The following FRYL variants were observed in gnomAD, a reference collection of about 807,000 sequenced individuals.
FRYL encodes FRY like transcription coactivator, also known as protein furry homolog-like.
Under a neutral mutation model 351.2 loss-of-function variants are expected in FRYL, and 150 were observed. The ratio of observed to expected loss-of-function variants is 0.43; its 90% CI spans 0.37 to 0.49. The LOEUF is 0.49. Ranked by LOEUF, FRYL falls within the 20% of genes least tolerant of loss-of-function variation. FRYL has a pLI of 0.00. For synonymous variants in FRYL, 1,153 were observed against 1,257.1 expected (o/e 0.92, Z 1.75); for missense variants, 3,036 against 3,619.3 (o/e 0.84, Z 4.13).
At chr4:48,722,140 TA>T (rs749747014) in intron 1 of FRYL, among the ~76,000 whole-genome samples, 1 of 152,230 alleles carries the variant, frequency 6.6e-6, no homozygotes, top group Non-Finnish European at 1.5e-5. Flanking sequence ...AATCAAACTT[TA>T]CCCGAGGAAT....
chr4:48,576,348 C>T (rs1401664983), intron 23 of FRYL, 126 bp from the exon 24 acceptor site: 3 of 689,740 alleles, frequency 4.3e-6, no homozygotes, highest in South Asian at 4.5e-5. Context: ...GTCACCCAGG[C>T]CGGAGTGCAA....
intron 1 of FRYL, among the ~76,000 whole-genome samples, chr4:48,716,815 A>G (rs1286826330): frequency 6.6e-6 from 1 of 151,484 alleles, no homozygotes. Context: ...ATGAAGACAC[A>G]TGCACATGTA....
At chr4:48,689,970 C>G (rs1285847455) in intron 2 of FRYL, among the ~76,000 whole-genome samples, 1 of 148,358 alleles carries the variant, frequency 6.7e-6, no homozygotes, top group East Asian at 2.0e-4. Flanking sequence ...AATCTCGGCT[C>G]ACTGCAAGCT....
Position 48,505,859 on chromosome 4 carries a change from G to A in FRYL, c.8395-244C>T, listed in dbSNP as rs567911482. On this transcript the variant is annotated intron_variant, in intron 59 of 63. Transcript: ENST00000358350. ...TACTAACAAAACCCATTCCATTCTA[G>A]GGACCTGTGATGTTCCATTTCAGTA... is the stretch of plus-strand genomic sequence containing the variant. The A allele has an allele frequency of 4.7e-4, 195 of 411,398 alleles. 1 individual carries two copies. In the South Asian group the frequency reaches 9.9e-3, roughly 21 times the overall value. The allele number at this position is 411,398 out of a possible 1,614,324, so 25.5% of individuals were successfully genotyped here.
intron 1 of FRYL, among the ~76,000 whole-genome samples, chr4:48,740,289 ATTTTTTT>A (rs71191255): frequency 1.0e-5 from 1 of 97,884 alleles, no homozygotes; most frequent in African/African-American, 4.2e-5. Context: ...AAACAATCTG[ATTTTTTT>A]TTTTTTTTTT....
In FRYL at chr4:48,531,288, G is replaced by A. The variant is rs763943863; in HGVS notation, c.6771C>T (p.Val2257=). ...KLVVSRSASL[V]VPSDIPKTYG... is the part of the protein sequence containing the mutation. ...AGGTCTTGGGGATATCACTGGGTAC[G>A]ACAAGACTCGCAGAGCGTGACACCA... Residue 2257 remains valine, a synonymous_variant, in exon 50 of 64, where the codon GTC becomes GTT. Transcript: ENST00000358350. 27 of 1,613,298 alleles carry A rather than the reference G, an allele frequency of 1.7e-5. 1 individual carries two copies. Among genetic ancestry groups the A allele is most frequent in the Middle Eastern group, 1.6e-4 (1 of 6,078 alleles).
chr4:48,582,474 G>A (rs371299933), intron 20 of FRYL, 23 bp downstream of exon 20: 3 of 1,465,682 alleles, frequency 2.0e-6, no homozygotes, highest in Non-Finnish European at 2.9e-6. Context: ...CATACAAAAG[G>A]ACAATAGAAA....
chr4:48,728,219 CTGAT>C (rs1460062420), intron 1 of FRYL, among the ~76,000 whole-genome samples: 1 of 152,118 alleles, frequency 6.6e-6, no homozygotes, highest in Non-Finnish European at 1.5e-5. Flanking sequence ...GAAAACAACT[CTGAT>C]TAACATGCTA....
rs1331805179 is a variant in FRYL at position 48,694,880 on chromosome 4, T to C, written c.-203-10085A>G. Among the ~76,000 whole-genome samples the C allele has an allele frequency of 2.0e-5, 3 of 152,068 alleles. No homozygotes were observed. The South Asian group carries it at 6.2e-4, about 32-fold the overall frequency. On this transcript the variant is annotated intron_variant, in intron 2 of 63. Transcript: ENST00000358350. ...TGAGCTCAGGAATCTGAGACCAGCC[T>C]GGGCAACATAGTGAAACCTCATCTC...
At chr4:48,547,853 A>G (rs1731703160) in intron 40 of FRYL, 84 bp from the exon 41 acceptor site, 1 of 923,298 alleles carries the variant, frequency 1.1e-6, no homozygotes, top group African/African-American at 1.7e-5. Flanking sequence ...GAAGAAAAGG[A>G]GAAATTATAT....
At chr4:48,563,234 T>C (rs769212112) in intron 31 of FRYL, among the ~76,000 whole-genome samples, 1 of 151,234 alleles carries the variant, frequency 6.6e-6, no homozygotes, top group Non-Finnish European at 1.5e-5. Context: ...ATCAGAAGAA[T>C]TGTCTTGTGT....
At position 48,524,716 on chromosome 4, in the gene FRYL, T is replaced by C. The variant is rs566200051; in HGVS notation, c.7318-1612A>G. ...ACTACAAATGAACATCCTTAGTCCA[T>C]TCTAAGGTTCTATTAAAAGCCATGT... On this transcript the variant is annotated intron_variant, in intron 53 of 63. Coordinates refer to ENST00000358350, the MANE Select transcript of FRYL (RefSeq NM_015030.2). Among the ~76,000 whole-genome samples, 18 of 152,298 alleles carry C rather than the reference T, an allele frequency of 1.2e-4. No homozygotes were observed. In the East Asian group the frequency reaches 3.1e-3, roughly 26 times the overall value.
intron 2 of FRYL, among the ~76,000 whole-genome samples, chr4:48,686,927 T>C (rs1188520653): frequency 6.6e-6 from 1 of 152,242 alleles, no homozygotes; most frequent in Non-Finnish European, 1.5e-5. Flanking sequence ...TTTGATAAGA[T>C]AAAATAAATG....
At chr4:48,573,127 A>T in intron 26 of FRYL, 59 bp downstream of exon 26, 1 of 1,290,546 alleles carries the variant, frequency 7.7e-7, no homozygotes, top group Non-Finnish European at 1.1e-6. Context: ...TTGATATAAC[A>T]TGTAAATATG....
At chr4:48,513,713 C>T (rs551716439) in intron 56 of FRYL, among the ~76,000 whole-genome samples, 1 of 152,288 alleles carries the variant, frequency 6.6e-6, no homozygotes, top group East Asian at 1.9e-4. Flanking sequence ...ATAAAGCAGA[C>T]ATCTGAAGTG....
At chr4:48,713,711 A>G (rs1268269431) in intron 1 of FRYL, among the ~76,000 whole-genome samples, 2 of 152,180 alleles carry the variant, frequency 1.3e-5, no homozygotes, top group Non-Finnish European at 2.9e-5. Context: ...AAACAGATCA[A>G]TGAGATAGAA....
chr4:48,710,823 A>G (rs1263331786), intron 1 of FRYL, 125 bp from the exon 2 acceptor site: 1 of 377,404 alleles, frequency 2.6e-6, no homozygotes, highest in East Asian at 3.8e-5. Context: ...GTGAAACATC[A>G]TCCAGTAATT....
At chr4:48,705,850 T>A (rs1457116104) in intron 2 of FRYL, among the ~76,000 whole-genome samples, 1 of 152,200 alleles carries the variant, frequency 6.6e-6, no homozygotes, top group Non-Finnish European at 1.5e-5. Context: ...CCTCCTTTTT[T>A]TTTTGACACA....
chr4:48,581,921 GA>G (rs1418087777), intron 20 of FRYL, among the ~76,000 whole-genome samples: 8 of 152,186 alleles, frequency 5.3e-5, no homozygotes, highest in Non-Finnish European at 7.3e-5. Flanking sequence ...TTCACACTCA[GA>G]GTGTGGACCA....
Sources: gnomAD v4.1 joint callset for allele counts (sites outside exome capture counted in the v4.1 genomes callset) on GRCh38, gnomAD v4.1.1 for gene constraint, MANE v1.5 for transcripts, NCBI Gene and HGNC (gene_info 2026-07-23, HGNC 2026-07-21) for gene names.